Variants in CFAP299 observed in about 807,000 individuals in gnomAD.
CFAP299 encodes cilia and flagella associated protein 299.
In CFAP299, 21 loss-of-function variants were observed where a neutral mutation model predicts 27.0. That is an observed-to-expected ratio of 0.78 (90% CI 0.55 to 1.12). The LOEUF (loss-of-function observed/expected upper bound fraction) is 1.12. Ranked by LOEUF, CFAP299 falls within the 50% of genes most tolerant of loss-of-function variation. The pLI is 0.00. For synonymous variants in CFAP299, 104 were observed against 98.1 expected, an observed-to-expected ratio of 1.06 and a Z score of -0.36; for missense variants, 310 against 276.6, an observed-to-expected ratio of 1.12 and a Z score of -0.86.
At chr4:80,447,515 C>T (rs1041337221) in intron 2 of CFAP299, among the ~76,000 whole-genome samples, 2 of 152,022 alleles carry the variant, frequency 1.3e-5, no homozygotes, top group African/African-American at 2.4e-5. Context: ...TCACTGCAAC[C>T]TCCGCCTCCT....
At chr4:80,729,092 G>A (rs552510418) in intron 3 of CFAP299, among the ~76,000 whole-genome samples, 2 of 152,140 alleles carry the variant, frequency 1.3e-5, no homozygotes, top group East Asian at 1.9e-4. Flanking sequence ...TGTATCTGTC[G>A]CTCTGGGTCT....
intron 3 of CFAP299, among the ~76,000 whole-genome samples, chr4:80,611,363 A>T (rs1737968402): frequency 6.6e-6 from 1 of 152,080 alleles, no homozygotes. Context: ...TGGGCAAATT[A>T]GCTTCCATGT....
At chr4:80,926,906 G>C (rs1736337444) in intron 4 of CFAP299, among the ~76,000 whole-genome samples, 1 of 152,012 alleles carries the variant, frequency 6.6e-6, no homozygotes, top group African/African-American at 2.4e-5. Context: ...GCAAAGACTA[G>C]CTGGTCGAAC....
In CFAP299 at chr4:80,400,638, C is replaced by T. The variant is rs1421695523; in HGVS notation, c.242+37754C>T. ...GTGGAATTGTCCGTCCAATTAAACC[C>T]CTTTTTTCTTCCCAGTCTCAGGTAT... is the stretch of plus-strand genomic sequence containing the variant. On this transcript the variant is annotated intron_variant, in intron 2 of 5. Transcript: ENST00000358105. Among the ~76,000 whole-genome samples the T allele has an allele frequency of 2.6e-5, 4 of 152,274 alleles. No individual in the cohort carries two copies. The East Asian group carries it at 7.7e-4, about 29-fold the overall frequency.
chr4:80,574,032 CA>C (rs541269630), intron 2 of CFAP299, among the ~76,000 whole-genome samples: 1 of 151,794 alleles, frequency 6.6e-6, no homozygotes, highest in Non-Finnish European at 1.5e-5. Context: ...GCATTGAATC[CA>C]TAGATTTCTT....
chr4:80,706,303 A>G (rs1013318014), intron 3 of CFAP299, among the ~76,000 whole-genome samples: 10 of 151,658 alleles, frequency 6.6e-5, no homozygotes, highest in African/African-American at 2.2e-4. Flanking sequence ...ACAAATGAGG[A>G]TGTTCCAGAA....
chr4:80,768,633 T>C (rs1163532750), intron 3 of CFAP299, among the ~76,000 whole-genome samples: 1 of 152,144 alleles, frequency 6.6e-6, no homozygotes, highest in Non-Finnish European at 1.5e-5. Flanking sequence ...ATCTCAAAAA[T>C]ACAGAAAATT....
chr4:80,960,579 C>G (rs901671293), intron 5 of CFAP299, among the ~76,000 whole-genome samples: 4 of 151,658 alleles, frequency 2.6e-5, no homozygotes, highest in Non-Finnish European at 4.4e-5. Flanking sequence ...TCTATATATC[C>G]CCACTATTAT....
intron 2 of CFAP299, among the ~76,000 whole-genome samples, chr4:80,567,612 CAG>C (rs1174907708): frequency 6.6e-6 from 1 of 151,866 alleles, no homozygotes; most frequent in Non-Finnish European, 1.5e-5. Context: ...AATAATCTCT[CAG>C]AGATTAAAGG....
intron 2 of CFAP299, among the ~76,000 whole-genome samples, chr4:80,425,296 C>A (rs768736736): frequency 3.3e-5 from 5 of 152,088 alleles, no homozygotes; most frequent in African/African-American, 7.2e-5. Flanking sequence ...ATATCCAGTC[C>A]GATGCCTTAC....
At chr4:80,601,228 A>G (rs2109901039) in intron 3 of CFAP299, among the ~76,000 whole-genome samples, 1 of 152,298 alleles carries the variant, frequency 6.6e-6, no homozygotes, top group Admixed American at 6.5e-5. Context: ...TTTAGTTTTT[A>G]ATCTCACTAT....
At chr4:80,643,961 T>C (rs1739855262) in intron 3 of CFAP299, among the ~76,000 whole-genome samples, 4 of 152,218 alleles carry the variant, frequency 2.6e-5, no homozygotes, top group Admixed American at 2.6e-4. Flanking sequence ...TATTGATTTC[T>C]ACATTATGTG....
chr4:80,794,324 AAAGG>A (rs1390150144), intron 3 of CFAP299, among the ~76,000 whole-genome samples: 1 of 152,204 alleles, frequency 6.6e-6, no homozygotes, highest in Non-Finnish European at 1.5e-5. Context: ...TGTTGTAGGA[AAAGG>A]AAGCAAAAAT....
intron 4 of CFAP299, among the ~76,000 whole-genome samples, chr4:80,921,206 A>G (rs1038621309): frequency 1.3e-5 from 2 of 152,084 alleles, no homozygotes; most frequent in African/African-American, 4.8e-5. Flanking sequence ...GCATAGTATT[A>G]AGTGATTTGA....
chr4:80,673,888 C>T (rs1040059136), intron 3 of CFAP299, among the ~76,000 whole-genome samples: 3 of 150,334 alleles, frequency 2.0e-5, no homozygotes, highest in Admixed American at 6.6e-5. Flanking sequence ...GATCTTCCTC[C>T]ATCCCTTTCT....
chr4:80,676,715 G>A (rs1013778560), intron 3 of CFAP299, among the ~76,000 whole-genome samples: 1 of 151,958 alleles, frequency 6.6e-6, no homozygotes, highest in Non-Finnish European at 1.5e-5. Flanking sequence ...ACTCATTTCT[G>A]CTAGGTTTTC....
intron 3 of CFAP299, among the ~76,000 whole-genome samples, chr4:80,803,625 G>A (rs558508108): frequency 6.6e-5 from 10 of 151,492 alleles, no homozygotes; most frequent in Non-Finnish European, 1.3e-4. Context: ...CATATGCAAC[G>A]TTAAACTTTC....
chr4:80,675,935 T>C (rs1217724442), intron 3 of CFAP299, among the ~76,000 whole-genome samples: 1 of 151,800 alleles, frequency 6.6e-6, no homozygotes, highest in East Asian at 1.9e-4. Flanking sequence ...ATTTTCCAGG[T>C]ACAGTCTGTC....
intron 3 of CFAP299, among the ~76,000 whole-genome samples, chr4:80,779,131 A>C (rs1015826367): frequency 6.6e-6 from 1 of 152,156 alleles, no homozygotes; most frequent in African/African-American, 2.4e-5. Context: ...TACAAAGTTA[A>C]GTAGCTCACC....
Sources: allele counts gnomAD v4.1 joint callset (sites outside exome capture counted in the v4.1 genomes callset), GRCh38; gene constraint gnomAD v4.1.1; transcripts MANE v1.5; gene names NCBI Gene and HGNC (gene_info 2026-07-23, HGNC 2026-07-21).